Variants in KCTD2 observed in about 807,000 individuals in gnomAD.
KCTD2 encodes potassium channel tetramerization domain containing 2.
A neutral mutation model predicts 27.9 loss-of-function variants in KCTD2; 18 were observed. The observed-to-expected ratio is 0.64, with a 90% confidence interval of 0.45 to 0.96. KCTD2 has a LOEUF of 0.96. Ranked by LOEUF, KCTD2 falls within the 40% of genes least tolerant of loss-of-function variation. The pLI is 0.00. For synonymous variants in KCTD2, 175 were observed against 148.4 expected, an observed-to-expected ratio of 1.18 and a Z score of -1.30; for missense variants, 280 against 348.0, an observed-to-expected ratio of 0.80 and a Z score of 1.56.
upstream of KCTD2, among the ~76,000 whole-genome samples, chr17:75,043,092 C>G (rs557203025): frequency 4.6e-5 from 7 of 150,722 alleles, no homozygotes; most frequent in Admixed American, 1.3e-4. Flanking sequence ...CGTGGTGGCC[C>G]GCGCCATAAT....
intron 3 of KCTD2, among the ~76,000 whole-genome samples, chr17:75,056,363 C>T (rs1236808615): frequency 1.3e-5 from 2 of 152,144 alleles, no homozygotes; most frequent in Non-Finnish European, 2.9e-5. Flanking sequence ...TCCTCAGTTT[C>T]CCACATTCTA....
chr17:75,047,564 A>G lies in KCTD2; in HGVS notation c.314A>G (p.Glu105Gly). ...TTTCTCTGCCGCCTCTGCTGCCAGG[A>G]GGACCCGGAGCTGGACTCAGACAAG... ...KSFLCRLCCQEDPELDSDKDE... is the reference protein window; with the variant it reads ...KSFLCRLCCQGDPELDSDKDE... Residue 105 changes from glutamate to glycine, a missense_variant, in exon 1 of 6, where the codon GAG becomes GGG. Glu to Gly is a moderately conservative substitution (Grantham distance 98, BLOSUM62 -2). Coordinates refer to ENST00000322444, the MANE Select transcript of KCTD2 (RefSeq NM_015353.3). 1.2e-6 allele frequency: 2 copies of G among 1,610,110 alleles called. No individual in the cohort carries two copies. The highest frequency in any genetic ancestry group is 1.7e-6 in the Non-Finnish European group (2 of 1,178,654).
At chr17:75,053,704 A>G (rs959978345) in intron 3 of KCTD2, among the ~76,000 whole-genome samples, 2 of 151,696 alleles carry the variant, frequency 1.3e-5, no homozygotes, top group African/African-American at 2.4e-5. Flanking sequence ...CAGCCTCCCA[A>G]AGTGCTGGGA....
rs556595559 is a variant in KCTD2 at position 75,054,318 on chromosome 17, T to C, written c.540+1213T>C. 5.8e-4 allele frequency among the ~76,000 whole-genome samples: 89 copies of C among 152,180 alleles called. 1 individual carries two copies. Among genetic ancestry groups the C allele is most frequent in the African/African-American group, 1.8e-3 (73 of 41,538 alleles). On this transcript the variant is annotated intron_variant, in intron 3 of 5. Transcript: ENST00000322444. ...GTGAGCTACCGCACCTGGCCTTGAT[T>C]TTGATATTAACTCAGATACAGTAAC...
In KCTD2 at chr17:75,054,680, G is replaced by T. The variant is rs528332994; in HGVS notation, c.540+1575G>T. ...AAATTAGCCAGGCATGGTGATGGGT[G>T]CCTGTAGTCCCAGCTGCTCGGGAGG... On this transcript the variant is annotated intron_variant, in intron 3 of 5. Transcript: ENST00000322444. 1.2e-4 allele frequency among the ~76,000 whole-genome samples: 18 copies of T among 152,186 alleles called. No individual in the cohort carries two copies. The East Asian group carries it at 3.5e-3, about 29-fold the overall frequency.
At chr17:75,050,169 A>C (rs2073269870) in intron 2 of KCTD2, among the ~76,000 whole-genome samples, 1 of 152,222 alleles carries the variant, frequency 6.6e-6, no homozygotes, top group African/African-American at 2.4e-5. Flanking sequence ...CCTTGCATCC[A>C]CTATCCAGCT....
chr17:75,040,988 G>A (rs2073154260), intron 3 of KCTD2: 1 of 152,006 alleles, frequency 6.6e-6, no homozygotes, highest in Non-Finnish European at 1.5e-5. Context: ...ATAAGCAAAT[G>A]AACTCTGGAT....
chr17:75,033,445 C>T (rs115136358), intron 1 of KCTD2, among the ~76,000 whole-genome samples: 3,676 of 152,020 alleles, frequency 0.024, 145 homozygotes, highest in African/African-American at 0.084. Context: ...CTTGTTCCCC[C>T]TGGTTGTACA....
At chr17:75,058,551 G>A (rs921035245) in intron 3 of KCTD2, among the ~76,000 whole-genome samples, 40 of 151,890 alleles carry the variant, frequency 2.6e-4, no homozygotes, top group Non-Finnish European at 4.6e-4. Flanking sequence ...TGTAATCCCA[G>A]CACTTTGGGA....
rs771577492 is a variant in KCTD2, at chr17:75,039,225, A to G, written c.-259+3868A>G. 3 of 1,614,216 alleles carry G rather than the reference A, an allele frequency of 1.9e-6. No homozygotes were observed. In the South Asian group the frequency reaches 3.3e-5, roughly 18 times the overall value. Reference sequence around the variant, plus strand: ...CATCCTTACCTCTTTCTCATATTCTACAATCCTGGCCTTTGAGAGAGACAC... The same window carrying G: ...CATCCTTACCTCTTTCTCATATTCTGCAATCCTGGCCTTTGAGAGAGACAC... On this transcript the variant is annotated intron_variant, in intron 3 of 7. Transcript: ENST00000581589.
intron 3 of KCTD2, among the ~76,000 whole-genome samples, chr17:75,057,927 G>C (rs1368673439): frequency 1.3e-5 from 2 of 151,736 alleles, no homozygotes; most frequent in Non-Finnish European, 2.9e-5. Context: ...GGACACAGTG[G>C]CTCATGCCTG....
Position 75,053,079 on chromosome 17 carries a change from C to G in KCTD2, c.514C>G (p.Arg172Gly), listed in dbSNP as rs747948016. The part of the protein sequence containing the change: ...SLVRLVKERI[R>G]DNENRTSQGP... The stretch of plus-strand genomic sequence containing the variant: ...TGTGCGGCTGGTTAAGGAAAGGATA[C>G]GGGACAATGAGAACAGAACTTCACA... Residue 172 changes from arginine (R) to glycine (G), a missense_variant, in exon 3 of 6, where the codon CGG becomes GGG. Physicochemically the swap from Arg to Gly is moderately radical, Grantham distance 125 (BLOSUM62 -2). Transcript: ENST00000322444. 1.2e-6 allele frequency: 2 copies of G among 1,613,390 alleles called. No homozygotes were observed. The highest frequency in any genetic ancestry group is 1.7e-6 in the Non-Finnish European group (2 of 1,179,498).
Position 75,063,138 on chromosome 17 carries a change from C to T in KCTD2, c.*91C>T. On this transcript the variant is annotated 3_prime_UTR_variant, in exon 6 of 6. Coordinates refer to ENST00000322444, the MANE Select transcript of KCTD2 (RefSeq NM_015353.3). Reference sequence around the variant, plus strand: ...CCTCACTCCTGTCCAGTGACCGAGCCACTGCAAAGCACAGCTGATCCTGGC... The same window carrying T: ...CCTCACTCCTGTCCAGTGACCGAGCTACTGCAAAGCACAGCTGATCCTGGC... 8.4e-7 allele frequency: 1 copy of T among 1,191,214 alleles called. No individual in the cohort carries two copies. Among genetic ancestry groups the T allele is most frequent in the South Asian group, 1.2e-5 (1 of 80,226 alleles). 73.8% of individuals were successfully genotyped at this position (1,191,214 alleles called of 1,614,324 possible).
intron 4 of KCTD2, among the ~76,000 whole-genome samples, chr17:75,061,729 C>T (rs2073405375): frequency 6.6e-6 from 1 of 152,162 alleles, no homozygotes; most frequent in Admixed American, 6.5e-5. Flanking sequence ...CCTCCTGTCC[C>T]CAGTCTAGGG....
intron 3 of KCTD2, chr17:75,040,023 A>G (rs1598685646): frequency 6.5e-7 from 1 of 1,527,198 alleles, no homozygotes; most frequent in African/African-American, 1.4e-5. Context: ...CTCTAACTTA[A>G]CTTAGCTATA....
chr17:75,040,121 C>T, intron 3 of KCTD2: 1 of 1,612,934 alleles, frequency 6.2e-7, no homozygotes, highest in East Asian at 2.2e-5. Flanking sequence ...TCCACCTGGG[C>T]AGTATATTTA....
At chr17:75,037,070 T>C (rs1009347834) in intron 3 of KCTD2, among the ~76,000 whole-genome samples, 20 of 151,960 alleles carry the variant, frequency 1.3e-4, no homozygotes, top group African/African-American at 3.1e-4. Context: ...ATGGGCCAGG[T>C]GCGGTGGCTC....
rs574227442 is a variant in KCTD2 at position 75,035,832 on chromosome 17, AAAAC to A, written c.-259+499_-259+502del. On this transcript the variant is annotated intron_variant, in intron 3 of 7. Transcript: ENST00000581589. ...TGGGCAACAGAGCGAAAGCCGTCTC[AAAAC>A]AAACAAACAAACAAACAAACAAAAA... is the stretch of plus-strand genomic sequence containing the variant. Among the ~76,000 whole-genome samples, 211 of 152,052 alleles carry A rather than the reference AAAAC, an allele frequency of 1.4e-3. 1 individual carries two copies. In the East Asian group the frequency reaches 0.022, roughly 16 times the overall value.
intron 3 of KCTD2, among the ~76,000 whole-genome samples, chr17:75,055,008 A>G (rs995285584): frequency 4.6e-5 from 7 of 151,986 alleles, no homozygotes; most frequent in African/African-American, 1.7e-4. Flanking sequence ...GGTATAATCT[A>G]TTGCAGCACA....
Sources: allele counts gnomAD v4.1 joint callset (sites outside exome capture counted in the v4.1 genomes callset), GRCh38; gene constraint gnomAD v4.1.1; transcripts MANE v1.5; gene names NCBI Gene and HGNC (gene_info 2026-07-23, HGNC 2026-07-21).